The following ITGAE variants were observed in gnomAD, a reference collection of about 807,000 sequenced individuals.
The protein encoded by ITGAE is integrin alpha-E.
ITGAE carries 99 observed loss-of-function variants against 136.5 expected under a neutral mutation model. That is an observed-to-expected ratio of 0.73 (90% CI 0.62 to 0.86). The LOEUF is 0.86. Ranked by LOEUF, ITGAE falls within the 40% of genes least tolerant of loss-of-function variation. The pLI is 0.00. For missense variants in ITGAE, 1,447 were observed against 1,515.3 expected (o/e 0.95, Z 0.75); for synonymous variants, 613 against 591.8 (o/e 1.04, Z -0.52).
chr17:3,751,718 C>T lies in ITGAE; in HGVS notation c.1825G>A (p.Gly609Ser). ...ATATACACACTGCCGAAGCTGGCAC[C>T]ATCATCTGCCCCAAAACCTTCCAGG... ...APLEGFGADDGASFGSVYIYN... is the reference protein window; with the variant it reads ...APLEGFGADDSASFGSVYIYN... Residue 609 changes from glycine to serine, a missense_variant, in exon 15 of 31, where the codon GGT becomes AGT. By Grantham distance (56) the Gly-to-Ser change is moderately conservative. Coordinates refer to ENST00000263087, the MANE Select transcript of ITGAE (RefSeq NM_002208.5). 6.2e-7 allele frequency: 1 copy of T among 1,614,054 alleles called. No homozygotes were observed. The highest frequency in any genetic ancestry group is 1.7e-5 in the Admixed American group (1 of 59,990).
At chr17:3,723,992 G>T in intron 26 of ITGAE, 1 of 1,593,624 alleles carries the variant, frequency 6.3e-7, no homozygotes. Flanking sequence ...ATGGGGCTGC[G>T]GACGGCAGGA....
chr17:3,765,173 C>G (rs220473), intron 2 of ITGAE, among the ~76,000 whole-genome samples: 12,219 of 151,606 alleles, frequency 0.081, 509 homozygotes, highest in Non-Finnish European at 0.1. Context: ...CATGGTGAAA[C>G]CCCGTCTCTA....
intron 1 of ITGAE, among the ~76,000 whole-genome samples, chr17:3,793,783 G>A (rs574768219): frequency 5.3e-5 from 8 of 151,510 alleles, no homozygotes; most frequent in African/African-American, 9.7e-5. Flanking sequence ...TCCTGGCCTC[G>A]TGATCCACCA....
chr17:3,723,700 G>A lies in ITGAE; in HGVS notation c.3129C>T (p.Tyr1043=), dbSNP rs145556426. 226 of 1,601,478 alleles carry A rather than the reference G, an allele frequency of 1.4e-4. 1 individual carries two copies. The Middle Eastern group carries it at 2.8e-3, about 20-fold the overall frequency. The change falls in exon 27 of 31, where the codon TAC becomes TAT. Residue 1043 remains tyrosine (Y), a synonymous_variant. Coordinates refer to ENST00000263087, the MANE Select transcript of ITGAE (RefSeq NM_002208.5). The part of the protein sequence containing the change: ...CTWSQERACA[Y]SSVQHVEEWH... The stretch of plus-strand genomic sequence containing the variant: ...CGGCCGCGCTTACCTGAACCGAACT[G>A]TACGCACAAGCGCGCTCCTGACTCC...
At chr17:3,757,282 C>T in intron 9 of ITGAE, 148 bp from the exon 10 acceptor site, 1 of 1,069,586 alleles carries the variant, frequency 9.3e-7, no homozygotes, top group Non-Finnish European at 1.4e-6. Context: ...CCCTGTTCTA[C>T]CCATACTCTG....
chr17:3,776,639 G>A (rs866128692), intron 2 of ITGAE, among the ~76,000 whole-genome samples: 6 of 152,048 alleles, frequency 3.9e-5, no homozygotes, highest in Middle Eastern at 6.8e-3. Flanking sequence ...GCTCCCTACA[G>A]CCTCGGCCTC....
intron 21 of ITGAE, 27 bp downstream of exon 21, chr17:3,734,790 T>C: frequency 5.0e-6 from 8 of 1,613,392 alleles, no homozygotes; most frequent in Non-Finnish European, 6.8e-6. Flanking sequence ...GTGAGGGACC[T>C]GTTTCCACAG....
intron 21 of ITGAE, 89 bp from the exon 22 acceptor site, chr17:3,732,555 A>G: frequency 1.8e-6 from 2 of 1,126,926 alleles, no homozygotes; most frequent in Non-Finnish European, 2.7e-6. Context: ...GCAAACATTC[A>G]CTAATTTTTC....
At chr17:3,778,457 G>A (rs2052594703) in intron 1 of ITGAE, among the ~76,000 whole-genome samples, 1 of 152,162 alleles carries the variant, frequency 6.6e-6, no homozygotes, top group South Asian at 2.1e-4. Context: ...CAGCTACTCA[G>A]AAGGCTGAGG....
At chr17:3,794,453 T>G (rs1226855505) in intron 1 of ITGAE, among the ~76,000 whole-genome samples, 2 of 152,122 alleles carry the variant, frequency 1.3e-5, no homozygotes, top group African/African-American at 4.8e-5. Context: ...GACTGCCCCC[T>G]GCCACCAGTG....
intron 3 of ITGAE, among the ~76,000 whole-genome samples, chr17:3,762,757 C>A (rs1056274960): frequency 3.3e-5 from 5 of 151,864 alleles, no homozygotes; most frequent in Non-Finnish European, 1.5e-5. Context: ...GTCACCACAC[C>A]TGGCTAATTT....
At chr17:3,773,123 T>A (rs1156259513) in intron 2 of ITGAE, among the ~76,000 whole-genome samples, 3 of 152,176 alleles carry the variant, frequency 2.0e-5, no homozygotes, top group Non-Finnish European at 4.4e-5. Context: ...CTGGGACCCT[T>A]TCCTTGGGCT....
chr17:3,728,297 A>T, intron 24 of ITGAE, 129 bp from the exon 25 acceptor site: 1 of 715,352 alleles, frequency 1.4e-6, no homozygotes, highest in Middle Eastern at 3.3e-4. Context: ...TCAACCTCCC[A>T]GGCTCAAGTG....
At chr17:3,786,905 A>G (rs1191585563) in intron 1 of ITGAE, among the ~76,000 whole-genome samples, 1 of 151,502 alleles carries the variant, frequency 6.6e-6, no homozygotes, top group East Asian at 1.9e-4. Flanking sequence ...AAAAAAAAAA[A>G]AAAAGCATGA....
At chr17:3,779,548 C>T (rs1296120830) in intron 1 of ITGAE, among the ~76,000 whole-genome samples, 1 of 152,012 alleles carries the variant, frequency 6.6e-6, no homozygotes, top group Admixed American at 6.6e-5. Context: ...GAGCTGGTTT[C>T]GAACTCCTGA....
chr17:3,745,616 A>G (rs977555934), intron 18 of ITGAE, 148 bp downstream of exon 18: 6 of 776,274 alleles, frequency 7.7e-6, no homozygotes, highest in South Asian at 7.6e-5. Context: ...TGCTGGGATG[A>G]CAGGCGTGAG....
chr17:3,762,685 C>T (rs1445115848), intron 3 of ITGAE, among the ~76,000 whole-genome samples: 1 of 150,520 alleles, frequency 6.6e-6, no homozygotes. Context: ...GCAAGCTCCG[C>T]CTCCCAGGTT....
intron 2 of ITGAE, among the ~76,000 whole-genome samples, chr17:3,771,096 T>TAAAAA (rs36098243): frequency 6.9e-6 from 1 of 144,830 alleles, no homozygotes; most frequent in African/African-American, 2.5e-5. Flanking sequence ...TCTGAGGGAT[T>TAAAAA]AAAAAAAAAA....
At chr17:3,725,877 CGA>C in intron 26 of ITGAE, 1 of 1,611,988 alleles carries the variant, frequency 6.2e-7, no homozygotes, top group Non-Finnish European at 8.5e-7. Context: ...CTTTGAGCAC[CGA>C]GACTTACACT....
Sources: allele counts gnomAD v4.1 joint callset (sites outside exome capture counted in the v4.1 genomes callset), GRCh38; gene constraint gnomAD v4.1.1; transcripts MANE v1.5; gene names NCBI Gene and HGNC (gene_info 2026-07-23, HGNC 2026-07-21).